PLXNA1: variants seen among roughly 807,000 people sequenced by gnomAD.
PLXNA1 encodes the protein plexin A1, also known as plexin-A1.
In PLXNA1, 77 loss-of-function variants were observed where a neutral mutation model predicts 191.7. The ratio of observed to expected loss-of-function variants is 0.40; its 90% CI spans 0.33 to 0.49. PLXNA1 has a LOEUF of 0.49. PLXNA1 is among the 20% of genes least tolerant of loss of function. PLXNA1 has a pLI of 0.63. For missense variants in PLXNA1, 2,110 were observed against 2,660.2 expected (o/e 0.79, Z 4.55); for synonymous variants, 1,137 against 1,156.4 (o/e 0.98, Z 0.34).
chr3:127,033,843 CTG>C, intron 31 of PLXNA1, 77 bp from the exon 32 acceptor site: 1 of 1,254,698 alleles, frequency 8.0e-7, no homozygotes, highest in South Asian at 1.4e-5. Flanking sequence ...GGCACCTACT[CTG>C]GAGGCATCTG....
Position 127,010,776 on chromosome 3 carries a change from T to A in PLXNA1, c.2113-1182T>A, listed in dbSNP as rs115703806. On this transcript the variant is annotated intron_variant, in intron 9 of 31. Transcript: ENST00000393409. ...TCGTGCTACCGGCCAAGAGGTTTCC[T>A]GAACTTACGGGCACCAACAAAGCCC... Among the ~76,000 whole-genome samples the A allele has an allele frequency of 7.0e-3, 1,071 of 152,314 alleles. 12 individuals are homozygous for A. Among genetic ancestry groups the A allele is most frequent in the African/African-American group, 0.025 (1,020 of 41,568 alleles).
In PLXNA1 at chr3:126,988,523, C is replaced by A; in HGVS notation, c.-71C>A. ...GCCCTCTTCTGCCCCTTCCCCAGGGCTGAAGCTCCTGGCACCATGATGCTC... is the reference window on the plus strand; with the variant it reads ...GCCCTCTTCTGCCCCTTCCCCAGGGATGAAGCTCCTGGCACCATGATGCTC... On this transcript the variant is annotated splice_region_variant and 5_prime_UTR_variant, in exon 2 of 32. It adds an upstream start codon to the 5' untranslated region. Transcript: ENST00000393409. 5.2e-6 allele frequency: 7 copies of A among 1,338,450 alleles called. No homozygotes were observed. Among genetic ancestry groups the A allele is most frequent in the Non-Finnish European group, 6.9e-6 (7 of 1,009,762 alleles). 82.9% of individuals were successfully genotyped at this position (1,338,450 alleles called of 1,614,324 possible).
In PLXNA1 at chr3:127,004,706, C is replaced by T. The variant is rs28710010; in HGVS notation, c.1614C>T (p.His538=). Residue 538 remains histidine, a synonymous_variant, in exon 5 of 32, where the codon CAC becomes CAT. Coordinates refer to ENST00000393409, the MANE Select transcript of PLXNA1 (RefSeq NM_032242.4). ...RDPHCGWCVL[H]SICSRRDACE... ...CCCACTGTGGCTGGTGTGTCCTGCA[C>T]AGCATGTGAGTCTGGGCAGGTGGGC... 0.11 allele frequency: 173,344 copies of T among 1,586,460 alleles called. 10,564 individuals are homozygous for T. The highest frequency in any genetic ancestry group is 0.2 in the South Asian group (17,832 of 87,866).
chr3:127,008,427 A>C (rs1303526556), intron 9 of PLXNA1, among the ~76,000 whole-genome samples: 1 of 152,122 alleles, frequency 6.6e-6, no homozygotes, highest in Non-Finnish European at 1.5e-5. Context: ...GCTAGTAATT[A>C]AGTAGTAATT....
Position 127,014,745 on chromosome 3 carries a change from C to G in PLXNA1, c.2791C>G (p.Arg931Gly). The G allele has an allele frequency of 6.2e-7, 1 of 1,612,190 alleles. No individual in the cohort carries two copies. The highest frequency in any genetic ancestry group is 8.5e-7 in the Non-Finnish European group (1 of 1,179,794). ...VCEIGDASSV[R>G]AHDALVEVCV... ...TGAGATCGGGGACGCCAGCTCCGTG[C>G]GTGCCCATGACGCCCTGGTGGAGGT... The change falls in exon 14 of 32, where the codon CGT (arginine) becomes GGT (glycine). Residue 931 changes from arginine to glycine, a missense_variant. Around this residue, in one of 4 missense-constraint regions of PLXNA1, gnomAD observed 644 missense variants for 714.3 expected, o/e 0.90. Coordinates refer to ENST00000393409, the MANE Select transcript of PLXNA1 (RefSeq NM_032242.4).
chr3:127,019,168 C>T (rs1405695674), intron 20 of PLXNA1, among the ~76,000 whole-genome samples: 2 of 152,190 alleles, frequency 1.3e-5, no homozygotes, highest in Non-Finnish European at 2.9e-5. Flanking sequence ...GGGGCAGATA[C>T]TAGGAGTGTT....
At chr3:127,022,006 C>A in intron 21 of PLXNA1, 79 bp from the exon 22 acceptor site, 1 of 1,548,434 alleles carries the variant, frequency 6.5e-7, no homozygotes, top group Non-Finnish European at 8.7e-7. Flanking sequence ...CCAGCCAGGC[C>A]TGGACAGCCC....
chr3:127,019,910 G>T (rs958798443), intron 20 of PLXNA1, among the ~76,000 whole-genome samples: 4 of 152,140 alleles, frequency 2.6e-5, no homozygotes, highest in East Asian at 1.9e-4. Flanking sequence ...GCTGCTCTAC[G>T]CTTAACTGCC....
Position 126,988,642 on chromosome 3 carries a change from TTGCTGC to T in PLXNA1, c.59_64del (p.Leu20_Leu21del). On this transcript the variant is annotated inframe_deletion, in exon 2 of 32. Coordinates refer to ENST00000393409, the MANE Select transcript of PLXNA1 (RefSeq NM_032242.4). ...GCAGGTGCTCCTGCTGCTGCTGCTG[TTGCTGC>T]TGCTGCTGCCGGGCATGTGGGCTGA... 4 of 1,576,234 alleles carry T rather than the reference TTGCTGC, an allele frequency of 2.5e-6. No homozygotes were observed. The highest frequency in any genetic ancestry group is 3.4e-6 in the Non-Finnish European group (4 of 1,161,286).
intron 15 of PLXNA1, 135 bp from the exon 16 acceptor site, chr3:127,016,382 C>T (rs568873115): frequency 2.0e-5 from 15 of 733,398 alleles, no homozygotes; most frequent in African/African-American, 8.7e-5. Flanking sequence ...GGGAAAGTAG[C>T]GGTGATAGTA....
In PLXNA1 at chr3:126,989,726, G is replaced by A. The variant is rs777098784; in HGVS notation, c.1133G>A (p.Arg378His). 19 of 1,613,060 alleles carry A rather than the reference G, an allele frequency of 1.2e-5. No individual in the cohort carries two copies. The highest frequency in any genetic ancestry group is 4.4e-5 in the South Asian group (4 of 91,064). ...KIKERIQSCYRGEGKLSLPWL... is the reference protein window; with the variant it reads ...KIKERIQSCYHGEGKLSLPWL... ...AAGGAGCGCATCCAGTCCTGCTACC[G>A]TGGTGAGGGCAAGCTCTCCCTGCCG... Residue 378 changes from arginine to histidine, a missense_variant, in exon 2 of 32, where the codon CGT (arginine) becomes CAT (histidine). Physicochemically the swap from Arg to His is conservative, Grantham distance 29. Coordinates refer to ENST00000393409, the MANE Select transcript of PLXNA1 (RefSeq NM_032242.4).
Position 127,019,104 on chromosome 3 carries a change from G to A in PLXNA1, c.3895+576G>A, listed in dbSNP as rs143819524. On this transcript the variant is annotated intron_variant, in intron 20 of 31. Transcript: ENST00000393409. ...GAGTGGCAGAAATCTGTTCCATGCC[G>A]GGCGAGACTTTGAGCGTTTGCAGAT... Among the ~76,000 whole-genome samples, 1,053 of 152,296 alleles carry A rather than the reference G, an allele frequency of 6.9e-3. 12 individuals carry two copies. Among genetic ancestry groups the A allele is most frequent in the African/African-American group, 0.024 (1,003 of 41,564 alleles).
intron 10 of PLXNA1, among the ~76,000 whole-genome samples, chr3:127,013,577 G>A (rs150453008): frequency 1.9e-3 from 288 of 152,338 alleles, no homozygotes; most frequent in Non-Finnish European, 3.3e-3. Flanking sequence ...GATTTTGCCT[G>A]TCTCTGCCCC....
At position 127,004,914 on chromosome 3, in the gene PLXNA1, C is replaced by G; in HGVS notation, c.1649C>G (p.Ala550Gly). 1 of 1,605,348 alleles carries G rather than the reference C, an allele frequency of 6.2e-7. No homozygotes were observed. Among genetic ancestry groups the G allele is most frequent in the Non-Finnish European group, 8.5e-7 (1 of 1,174,646 alleles). Residue 550 changes from alanine (A) to glycine (G), a missense_variant, in exon 6 of 32, where the codon GCA becomes GGA. Physicochemically the swap from Ala to Gly is moderately conservative, Grantham distance 60. Coordinates refer to ENST00000393409, the MANE Select transcript of PLXNA1 (RefSeq NM_032242.4). ...TCGCGGCGGGACGCCTGTGAGCGAG[C>G]AGACGAGCCCCAGCGCTTTGCTGCG... Reference protein sequence around the residue: ...ICSRRDACERADEPQRFAADL... With the variant: ...ICSRRDACERGDEPQRFAADL...
chr3:126,994,546 G>C (rs1277721397), intron 3 of PLXNA1, among the ~76,000 whole-genome samples: 1 of 152,242 alleles, frequency 6.6e-6, no homozygotes, highest in East Asian at 1.9e-4. Flanking sequence ...CTGGGTTCGA[G>C]TCCTACTCTG....
At chr3:126,986,061 C>G (rs2078957778) in intron 1 of PLXNA1, among the ~76,000 whole-genome samples, 1 of 152,188 alleles carries the variant, frequency 6.6e-6, no homozygotes, top group Non-Finnish European at 1.5e-5. Flanking sequence ...TTAGCCTGGT[C>G]CCTCCTGTTG....
intron 3 of PLXNA1, among the ~76,000 whole-genome samples, chr3:127,000,245 A>G (rs1218953541): frequency 1.3e-5 from 2 of 152,050 alleles, no homozygotes; most frequent in African/African-American, 4.8e-5. Flanking sequence ...AGCTGGGGGA[A>G]GATTCCAGGG....
At position 127,032,766 on chromosome 3, in the gene PLXNA1, A is replaced by G; in HGVS notation, c.5525A>G (p.His1842Arg). 1 of 1,613,500 alleles carries G rather than the reference A, an allele frequency of 6.2e-7. No individual in the cohort carries two copies. The highest frequency in any genetic ancestry group is 8.5e-7 in the Non-Finnish European group (1 of 1,180,018). The change falls in exon 31 of 32, where the codon CAC becomes CGC. Residue 1842 changes from histidine to arginine, a missense_variant. Physicochemically the swap from His to Arg is conservative, Grantham distance 29 (BLOSUM62 0). Around this residue, in one of 4 missense-constraint regions of PLXNA1, gnomAD observed 559 missense variants for 911.5 expected, o/e 0.61. Coordinates refer to ENST00000393409, the MANE Select transcript of PLXNA1 (RefSeq NM_032242.4). ...TATCTGGCTGAGCAGTCCCGCCTGCACCTGAGCCAGTTCAACAGCATGAGC... is the reference window on the plus strand; with the variant it reads ...TATCTGGCTGAGCAGTCCCGCCTGCGCCTGAGCCAGTTCAACAGCATGAGC... ...SAYLAEQSRLHLSQFNSMSAL... is the reference protein window; with the variant it reads ...SAYLAEQSRLRLSQFNSMSAL...
intron 8 of PLXNA1, 31 bp downstream of exon 8, chr3:127,006,209 G>A (rs374109964): frequency 4.4e-5 from 69 of 1,565,860 alleles, no homozygotes; most frequent in Non-Finnish European, 5.8e-5. Context: ...CCGCCCGCCT[G>A]GGCCTGGGCT....
Sources: gnomAD v4.1 joint callset for allele counts (sites outside exome capture counted in the v4.1 genomes callset) on GRCh38, gnomAD v4.1.1 for gene constraint, gnomAD v4.1.1 regional missense constraint, MANE v1.5 for transcripts, NCBI Gene and HGNC (gene_info 2026-07-23, HGNC 2026-07-21) for gene names.